Variants in PEAK1 observed in about 807,000 individuals in gnomAD.
PEAK1 encodes the protein inactive tyrosine-protein kinase PEAK1.
PEAK1 carries 54 observed loss-of-function variants against 124.7 expected under a neutral mutation model. That is an observed-to-expected ratio of 0.43 (90% CI 0.35 to 0.54). The LOEUF (loss-of-function observed/expected upper bound fraction) is 0.54, where lower values mean the gene tolerates loss of function less well. PEAK1 is among the 20% of genes least tolerant of loss of function. PEAK1 has a pLI of 0.01. For synonymous variants in PEAK1, 719 were observed against 760.0 expected (o/e 0.95, Z 0.89); for missense variants, 2,046 against 2,134.5 (o/e 0.96, Z 0.82).
chr15:77,125,802 C>T (rs760670344), intron 9 of PEAK1, among the ~76,000 whole-genome samples: 12 of 152,214 alleles, frequency 7.9e-5, no homozygotes, highest in Non-Finnish European at 1.5e-4. Context: ...GCCAGTCATT[C>T]TGATTCTGTA....
In PEAK1 at chr15:77,221,089, G is replaced by A. The variant is rs552958925; in HGVS notation, c.-115+31278C>T. 1.1e-4 allele frequency among the ~76,000 whole-genome samples: 17 copies of A among 152,024 alleles called. No individual in the cohort carries two copies. The East Asian group carries it at 2.9e-3, about 26-fold the overall frequency. On this transcript the variant is annotated intron_variant, in intron 6 of 9. Transcript: ENST00000682557. ...TTTCATAATCAGAAAAAATAAGTTC[G>A]AGTTACTAAAAAACTGTAGCATATG...
chr15:77,300,933 C>T (rs1186535931), intron 2 of PEAK1, among the ~76,000 whole-genome samples: 2 of 152,070 alleles, frequency 1.3e-5, no homozygotes, highest in South Asian at 2.1e-4. Context: ...CTCACTGCAA[C>T]CTCCGCCTTC....
At chr15:77,220,428 AG>A (rs2059334031) in intron 6 of PEAK1, among the ~76,000 whole-genome samples, 1 of 151,010 alleles carries the variant, frequency 6.6e-6, no homozygotes, top group African/African-American at 2.4e-5. Flanking sequence ...TGGAGCTGAT[AG>A]GTATATGAGA....
rs202221569 is a variant in PEAK1 at position 77,179,301 on chromosome 15, T to A, written c.2626A>T (p.Thr876Ser). 19 of 1,613,820 alleles carry A rather than the reference T, an allele frequency of 1.2e-5. 1 individual carries two copies. The South Asian group carries it at 2.1e-4, about 18-fold the overall frequency. Residue 876 changes from threonine (T) to serine (S), a missense_variant, in exon 7 of 10, where the codon ACT becomes TCT. By Grantham distance (58) the Thr-to-Ser change is moderately conservative. Coordinates refer to ENST00000682557, the MANE Select transcript of PEAK1 (RefSeq NM_001385026.1). ...PPAPFPPPRSTSSPYHAGNLL... is the reference protein window; with the variant it reads ...PPAPFPPPRSSSSPYHAGNLL... ...TTACCTGCATGGTAAGGAGAAGAAG[T>A]AGAGCGTGGCGGGGGAAAGGGAGCT...
At position 77,381,186 on chromosome 15, in the gene PEAK1, A is replaced by C. The variant is rs545555671; in HGVS notation, c.-665-15961T>G. The C allele has an allele frequency of 5.3e-5, 51 of 971,062 alleles. No individual in the cohort carries two copies. The African/African-American group carries it at 8.6e-4, about 16-fold the overall frequency. The allele number at this position is 971,062 out of a possible 1,614,324, so 60.2% of individuals were successfully genotyped here. A position where few individuals can be genotyped will look rare whatever the true frequency, so the allele number is the denominator to read the frequency against. ...TTAAGATTAATAACCTAAAAAGCTA[A>C]TCTAGGACTACAGTTGGGAGACAAT... is the stretch of plus-strand genomic sequence containing the variant. On this transcript the variant is annotated intron_variant, in intron 1 of 9. Transcript: ENST00000682557.
intron 6 of PEAK1, among the ~76,000 whole-genome samples, chr15:77,198,458 T>G (rs969261030): frequency 1.3e-5 from 2 of 152,198 alleles, no homozygotes; most frequent in African/African-American, 4.8e-5. Context: ...AATTGCTTGT[T>G]ATGTACTGTA....
At chr15:77,232,557 G>C (rs2059952926) in intron 6 of PEAK1, among the ~76,000 whole-genome samples, 1 of 152,100 alleles carries the variant, frequency 6.6e-6, no homozygotes, top group Non-Finnish European at 1.5e-5. Context: ...GATCCAACCA[G>C]ATGAATTTCA....
intron 5 of PEAK1, among the ~76,000 whole-genome samples, chr15:77,264,018 A>G (rs2061580623): frequency 6.6e-6 from 1 of 152,190 alleles, no homozygotes; most frequent in Non-Finnish European, 1.5e-5. Flanking sequence ...CGATTATCTC[A>G]ATAGATGCAG....
chr15:77,269,166 C>T (rs1458195836), intron 5 of PEAK1, among the ~76,000 whole-genome samples: 3 of 151,450 alleles, frequency 2.0e-5, no homozygotes, highest in Non-Finnish European at 4.4e-5. Context: ...TACCTCATAT[C>T]TCAATACTAA....
rs1341221259 is a variant in PEAK1 at position 77,180,764 on chromosome 15, T to C, written c.1163A>G (p.Glu388Gly). ...ATCCTGATTATTACTAGAGGGACTT[T>C]CATAATTGGGCTCAATTTCCTTCAT... ...KDMKEIEPNY[E>G]SPSSNNQDKD... The change falls in exon 7 of 10, where the codon GAA becomes GGA. Residue 388 changes from glutamate to glycine, a missense_variant. By Grantham distance (98) the Glu-to-Gly change is moderately conservative. Coordinates refer to ENST00000682557, the MANE Select transcript of PEAK1 (RefSeq NM_001385026.1). 6.2e-7 allele frequency: 1 copy of C among 1,614,020 alleles called. No individual in the cohort carries two copies. The highest frequency in any genetic ancestry group is 8.5e-7 in the Non-Finnish European group (1 of 1,180,002).
At chr15:77,352,303 A>T in intron 2 of PEAK1, 2 of 985,354 alleles carry the variant, frequency 2.0e-6, no homozygotes, top group Non-Finnish European at 2.4e-6. Flanking sequence ...AGCAGTGCAG[A>T]GGGCCAAATC....
intron 6 of PEAK1, among the ~76,000 whole-genome samples, chr15:77,223,089 A>G (rs963886439): frequency 6.6e-6 from 1 of 152,024 alleles, no homozygotes; most frequent in African/African-American, 2.4e-5. Flanking sequence ...TAATTAAGTC[A>G]CTAGTGACTA....
At chr15:77,419,245 C>T in intron 1 of PEAK1, 2 of 985,264 alleles carry the variant, frequency 2.0e-6, no homozygotes, top group Non-Finnish European at 2.4e-6. Flanking sequence ...CAATCTTTAA[C>T]GTAGCCAAAG....
At chr15:77,342,695 C>A (rs1298855821) in intron 2 of PEAK1, among the ~76,000 whole-genome samples, 1 of 152,142 alleles carries the variant, frequency 6.6e-6, no homozygotes, top group Non-Finnish European at 1.5e-5. Flanking sequence ...AGGAGTGAAC[C>A]ACCACACCTG....
chr15:77,217,031 G>C (rs1354904952), intron 6 of PEAK1, among the ~76,000 whole-genome samples: 1 of 151,796 alleles, frequency 6.6e-6, no homozygotes, highest in Non-Finnish European at 1.5e-5. Flanking sequence ...AGGAGTTCAA[G>C]ATCAGCCTGG....
chr15:77,130,177 C>CT (rs2052739432), intron 9 of PEAK1, among the ~76,000 whole-genome samples: 1 of 152,136 alleles, frequency 6.6e-6, no homozygotes, highest in South Asian at 2.1e-4. Flanking sequence ...TAAAGTTAGT[C>CT]AAGTCCTACT....
intron 2 of PEAK1, chr15:77,337,829 A>G (rs1489523416): frequency 1.0e-6 from 1 of 985,236 alleles, no homozygotes; most frequent in Non-Finnish European, 1.2e-6. Context: ...CGTTTCATGC[A>G]ATAGAGCTAA....
intron 6 of PEAK1, among the ~76,000 whole-genome samples, chr15:77,191,935 A>C (rs1416627605): frequency 6.6e-6 from 1 of 152,174 alleles, no homozygotes; most frequent in East Asian, 1.9e-4. Flanking sequence ...GTCTGTATAG[A>C]TCAAAACCCA....
Position 77,113,266 on chromosome 15 carries a change from A to T in PEAK1, c.*890T>A, listed in dbSNP as rs1238256189. ...ACAGTTCTGACAGTAATCAAAGGGT[A>T]CTTTAAACTCTGTTTCCTGATGGCC... On this transcript the variant is annotated 3_prime_UTR_variant, in exon 10 of 10. Coordinates refer to ENST00000682557, the MANE Select transcript of PEAK1 (RefSeq NM_001385026.1). 6.6e-6 allele frequency: 1 copy of T among 152,256 alleles called. No individual in the cohort carries two copies. Among genetic ancestry groups the T allele is most frequent in the Admixed American group, 6.5e-5 (1 of 15,290 alleles). The allele number at this position is 152,256 out of a possible 1,614,324, so 9.4% of individuals were successfully genotyped here. A position where few individuals can be genotyped will look rare whatever the true frequency, so the allele number is the denominator to read the frequency against.
Sources: allele counts gnomAD v4.1 joint callset (sites outside exome capture counted in the v4.1 genomes callset), GRCh38; gene constraint gnomAD v4.1.1; transcripts MANE v1.5; gene names NCBI Gene and HGNC (gene_info 2026-07-23, HGNC 2026-07-21).